OR7C1: variants seen among roughly 807,000 people sequenced by gnomAD.
The protein encoded by OR7C1 is olfactory receptor 7C1.
For missense variants in OR7C1, 324 were observed against 383.3 expected, an observed-to-expected ratio of 0.85 and a Z score of 1.29; for synonymous variants, 152 against 160.7, an observed-to-expected ratio of 0.95 and a Z score of 0.41.
intron 1 of OR7C1, among the ~76,000 whole-genome samples, chr19:14,829,817 C>G (rs1384901407): frequency 1.3e-5 from 2 of 152,162 alleles, no homozygotes; most frequent in Non-Finnish European, 2.9e-5. Flanking sequence ...CCCTCTTGCT[C>G]TGAAACCTGC....
At chr19:14,820,089 G>A (rs957789853) in intron 1 of OR7C1, among the ~76,000 whole-genome samples, 7 of 151,864 alleles carry the variant, frequency 4.6e-5, no homozygotes, top group African/African-American at 1.7e-4. Context: ...TTTTGTATTT[G>A]TAGTAGAGAC....
At chr19:14,825,186 A>G (rs2044759526) in intron 1 of OR7C1, 1 of 152,212 alleles carries the variant, frequency 6.6e-6, no homozygotes, top group Admixed American at 6.5e-5. Context: ...AGCTACCATC[A>G]CACCACTCTA....
rs34756526 is a variant in OR7C1, at chr19:14,810,372, G to GTT, written c.-622-381_-622-380dup. ...CCCTAACCACATTCAACCAAAATGAGTTTTTTTTTTTTGTTTTTTGTTTTT... is the reference window on the plus strand; with the variant it reads ...CCCTAACCACATTCAACCAAAATGAGTTTTTTTTTTTTTTGTTTTTTGTTTTT... On this transcript the variant is annotated intron_variant, in intron 1 of 4. Transcript: ENST00000641666. Among the ~76,000 whole-genome samples, 433 of 112,442 alleles carry GTT rather than the reference G, an allele frequency of 3.9e-3. 9 individuals carry two copies. The South Asian group carries it at 0.039, about 10-fold the overall frequency. 73.8% of individuals were successfully genotyped at this position (112,442 alleles called of 152,430 possible).
At chr19:14,823,457 A>C (rs745696451) in intron 1 of OR7C1, among the ~76,000 whole-genome samples, 1 of 152,240 alleles carries the variant, frequency 6.6e-6, no homozygotes, top group Non-Finnish European at 1.5e-5. Context: ...GTCTAAAAAA[A>C]TAAAAAATAA....
intron 1 of OR7C1, among the ~76,000 whole-genome samples, chr19:14,814,906 T>A (rs1013231560): frequency 1.3e-5 from 2 of 152,228 alleles, no homozygotes; most frequent in Non-Finnish European, 2.9e-5. Flanking sequence ...ACCATGAGAC[T>A]GGCAGAACAG....
chr19:14,820,796 TG>T (rs1436191056), intron 1 of OR7C1, among the ~76,000 whole-genome samples: 3 of 152,198 alleles, frequency 2.0e-5, no homozygotes, highest in African/African-American at 7.2e-5. Context: ...AAGTATGGTC[TG>T]GGGAGGTCTT....
intron 1 of OR7C1, among the ~76,000 whole-genome samples, chr19:14,816,316 G>C (rs1012938050): frequency 5.9e-5 from 9 of 152,044 alleles, no homozygotes; most frequent in African/African-American, 2.2e-4. Flanking sequence ...TGTCTGTGAG[G>C]GTGTTGCCAA....
chr19:14,799,797 G>C (rs749026003), exon 5 of OR7C1: 2 of 1,613,830 alleles, frequency 1.2e-6, no homozygotes, highest in Non-Finnish European at 1.7e-6. Flanking sequence ...ACGGTCAAGA[G>C]TAAATTGTCC....
At chr19:14,807,773 G>A (rs1316943367) in intron 2 of OR7C1, among the ~76,000 whole-genome samples, 3 of 151,774 alleles carry the variant, frequency 2.0e-5, no homozygotes, top group African/African-American at 7.3e-5. Context: ...GTGGGTGCCT[G>A]TAGTCCCAGC....
exon 5 of OR7C1, chr19:14,799,725 G>A (rs2044630391): frequency 1.2e-6 from 2 of 1,614,010 alleles, no homozygotes; most frequent in Admixed American, 1.7e-5. Context: ...CAGAGCTGGG[G>A]GTTCATGATG....
At chr19:14,804,613 C>T (rs769219942) in intron 2 of OR7C1, among the ~76,000 whole-genome samples, 8 of 151,988 alleles carry the variant, frequency 5.3e-5, no homozygotes, top group Non-Finnish European at 7.4e-5. Context: ...TGGGCTTCTT[C>T]GTTTACATGC....
chr19:14,799,357 GAGAT>G lies in OR7C1; in HGVS notation c.776_779del (p.Tyr259SerfsTer17), dbSNP rs2044627081. 3 of 1,614,182 alleles carry G rather than the reference GAGAT, an allele frequency of 1.9e-6. No homozygotes were observed. The highest frequency in any genetic ancestry group is 1.6e-4 in the Middle Eastern group (1 of 6,062). On this transcript the variant is annotated frameshift_variant, in exon 5 of 5. Transcript: ENST00000641666. LOFTEE classifies it low-confidence loss of function (END_TRUNC). Reference sequence around the variant, plus strand: ...TAGAAGATGGTGTGGCTGCAGAACTGAGATAGACCCCAAAGCCCGTGCCATAGAA... The same window carrying G: ...TAGAAGATGGTGTGGCTGCAGAACTGAGACCCCAAAGCCCGTGCCATAGAA...
At position 14,806,430 on chromosome 19, in the gene OR7C1, G is replaced by A. The variant is rs1599913822; in HGVS notation, c.-435+3376C>T. 2.0e-5 allele frequency among the ~76,000 whole-genome samples: 3 copies of A among 152,012 alleles called. 1 individual carries two copies. In the South Asian group the frequency reaches 6.2e-4, roughly 32 times the overall value. On this transcript the variant is annotated intron_variant, in intron 2 of 4. Coordinates refer to ENST00000641666, the Ensembl canonical transcript of OR7C1. ...ATACATGTACAGGACATGCAGATTT[G>A]TTACACAGGTAAATGTGTGCCATGG...
intron 2 of OR7C1, among the ~76,000 whole-genome samples, chr19:14,803,322 AAAAAG>A (rs1412136455): frequency 3.3e-5 from 5 of 151,404 alleles, no homozygotes; most frequent in Non-Finnish European, 7.4e-5. Flanking sequence ...AAAAAAAAAA[AAAAAG>A]AAAAGATTGG....
chr19:14,823,514 T>C (rs1013115209), intron 1 of OR7C1, among the ~76,000 whole-genome samples: 1 of 152,176 alleles, frequency 6.6e-6, no homozygotes, highest in African/African-American at 2.4e-5. Context: ...TTTTGTTACA[T>C]GGGTATTTTG....
intron 1 of OR7C1, among the ~76,000 whole-genome samples, chr19:14,819,361 C>T (rs1224890847): frequency 6.6e-6 from 1 of 152,008 alleles, no homozygotes; most frequent in African/African-American, 2.4e-5. Context: ...TGTCGTTCCC[C>T]TCCCTGTGTC....
Position 14,827,746 on chromosome 19 carries a change from G to A in OR7C1, c.-623+7328C>T, listed in dbSNP as rs148720728. 1.5e-4 allele frequency: 241 copies of A among 1,614,208 alleles called. 3 individuals carry two copies. The African/African-American group carries it at 2.2e-3, about 15-fold the overall frequency. On this transcript the variant is annotated intron_variant, in intron 1 of 4. Transcript: ENST00000641666. ...ATTTCTAAGGCTGTGCAGAAGGACA[G>A]CCGTACTACCATTAAGATTTGTAGC...
intron 1 of OR7C1, among the ~76,000 whole-genome samples, chr19:14,834,268 A>G (rs1462274962): frequency 1.3e-5 from 2 of 152,192 alleles, no homozygotes; most frequent in Non-Finnish European, 2.9e-5. Context: ...CGACAGAGTG[A>G]GGCTCTGTCT....
At chr19:14,801,365 ATTGT>A (rs1179777649) in intron 2 of OR7C1, among the ~76,000 whole-genome samples, 1 of 152,140 alleles carries the variant, frequency 6.6e-6, no homozygotes, top group Non-Finnish European at 1.5e-5. Flanking sequence ...AATAATTTGC[ATTGT>A]TTATGTGATC....
Sources: gnomAD v4.1 joint callset for allele counts (sites outside exome capture counted in the v4.1 genomes callset) on GRCh38, gnomAD v4.1.1 for gene constraint, MANE v1.5 for transcripts, NCBI Gene and HGNC (gene_info 2026-07-23, HGNC 2026-07-21) for gene names.